DPYS: variants seen among roughly 807,000 people sequenced by gnomAD.
DPYS encodes dihydropyrimidinase.
A neutral mutation model predicts 50.3 loss-of-function variants in DPYS; 39 were observed. The observed-to-expected ratio is 0.78, with a 90% CI of 0.60 to 1.01. The LOEUF is 1.01. Among genes scored for constraint, DPYS ranks in the 50% least tolerant of loss-of-function variants. The pLI, the probability that DPYS is intolerant of heterozygous loss-of-function variation, is 0.00. For missense variants in DPYS, 659 were observed against 680.9 expected (o/e 0.97, Z 0.36); for synonymous variants, 245 against 250.7 (o/e 0.98, Z 0.22).
At chr8:104,388,290 A>T (rs1404966023) in intron 8 of DPYS, among the ~76,000 whole-genome samples, 1 of 152,196 alleles carries the variant, frequency 6.6e-6, no homozygotes, top group Non-Finnish European at 1.5e-5. Flanking sequence ...GAAACCATAC[A>T]TCACTCCATG....
intron 7 of DPYS, among the ~76,000 whole-genome samples, chr8:104,395,002 T>C (rs965735383): frequency 6.6e-6 from 1 of 151,770 alleles, no homozygotes; most frequent in African/African-American, 2.4e-5. Context: ...AATTTTAATT[T>C]TTAGTTTTTG....
chr8:104,383,930 T>C (rs1811133615), intron 8 of DPYS, among the ~76,000 whole-genome samples: 2 of 152,182 alleles, frequency 1.3e-5, no homozygotes, highest in African/African-American at 4.8e-5. Context: ...TGGCTGGCTG[T>C]CTACAAACTG....
chr8:104,382,499 C>G (rs901937274), intron 8 of DPYS, among the ~76,000 whole-genome samples: 2 of 151,714 alleles, frequency 1.3e-5, no homozygotes, highest in African/African-American at 4.8e-5. Context: ...TAATACCCCA[C>G]TCTCTGGCCA....
chr8:104,432,814 GT>G (rs1446881890), intron 4 of DPYS, among the ~76,000 whole-genome samples: 1 of 152,138 alleles, frequency 6.6e-6, no homozygotes, highest in Admixed American at 6.5e-5. Context: ...ATAAATTAAT[GT>G]TTATGAAAGT....
At chr8:104,380,101 C>T (rs1810982398) in intron 9 of DPYS, among the ~76,000 whole-genome samples, 1 of 151,938 alleles carries the variant, frequency 6.6e-6, no homozygotes, top group South Asian at 2.1e-4. Context: ...AGACTTTGGG[C>T]TAGATAGTCC....
At chr8:104,448,224 T>G (rs979174611) in intron 2 of DPYS, among the ~76,000 whole-genome samples, 1 of 151,730 alleles carries the variant, frequency 6.6e-6, no homozygotes, top group East Asian at 1.9e-4. Context: ...GGCATGATCT[T>G]GGTTCACTGC....
intron 4 of DPYS, among the ~76,000 whole-genome samples, chr8:104,442,184 A>G (rs1813377535): frequency 6.6e-6 from 1 of 152,242 alleles, no homozygotes; most frequent in African/African-American, 2.4e-5. Context: ...AAGAAATAAT[A>G]TTGAATTTTA....
intron 9 of DPYS, 93 bp downstream of exon 9, chr8:104,381,091 C>G: frequency 2.9e-6 from 3 of 1,044,502 alleles, no homozygotes; most frequent in Non-Finnish European, 4.5e-6. Context: ...CACTGTGAAG[C>G]CTCTGACCTT....
intron 8 of DPYS, among the ~76,000 whole-genome samples, chr8:104,385,593 T>C (rs201396980): frequency 6.6e-6 from 1 of 152,194 alleles, no homozygotes; most frequent in African/African-American, 2.4e-5. Context: ...TGAGAGGCTG[T>C]TGCTGTGGTT....
intron 7 of DPYS, among the ~76,000 whole-genome samples, chr8:104,415,366 T>A (rs1812329802): frequency 6.6e-6 from 1 of 152,224 alleles, no homozygotes. Context: ...AGTGATAGAA[T>A]GGGTTACTGT....
At chr8:104,444,814 G>A (rs1050574929) in intron 3 of DPYS, among the ~76,000 whole-genome samples, 3 of 151,906 alleles carry the variant, frequency 2.0e-5, no homozygotes, top group Non-Finnish European at 2.9e-5. Context: ...AATCAACAAA[G>A]TGAAGAAACA....
intron 7 of DPYS, among the ~76,000 whole-genome samples, chr8:104,399,143 T>C (rs1366020976): frequency 6.6e-6 from 1 of 151,584 alleles, no homozygotes; most frequent in African/African-American, 2.4e-5. Context: ...ATACAAAAGT[T>C]AGCAGGGCAT....
rs987415858 is a variant in DPYS at position 104,451,355 on chromosome 8, T to C, written c.314A>G (p.Gln105Arg). The change falls in exon 2 of 10, where the codon CAG (glutamine) becomes CGG (arginine). Residue 105 changes from glutamine to arginine, a missense_variant. Physicochemically the swap from Gln to Arg is conservative, Grantham distance 43. Transcript: ENST00000351513. ...GGCCTCAATGAGGGAGCCACCTTTCTGAGGAATGGCGAAATCAATAATCAT... is the reference window on the plus strand; with the variant it reads ...GGCCTCAATGAGGGAGCCACCTTTCCGAGGAATGGCGAAATCAATAATCAT... Reference protein sequence around the residue: ...TTMIIDFAIPQKGGSLIEAFE... With the variant: ...TTMIIDFAIPRKGGSLIEAFE... The C allele has an allele frequency of 9.3e-6, 15 of 1,614,072 alleles. No individual in the cohort carries two copies. The highest frequency in any genetic ancestry group is 1.3e-5 in the Non-Finnish European group (15 of 1,180,032).
intron 7 of DPYS, among the ~76,000 whole-genome samples, chr8:104,402,700 C>T (rs1811860737): frequency 6.6e-6 from 1 of 152,140 alleles, no homozygotes; most frequent in African/African-American, 2.4e-5. Context: ...CCCGAAAGTA[C>T]ACAATAGGCC....
rs544110019 is a variant in DPYS, at chr8:104,461,813, C to T, written c.264+4844G>A. On this transcript the variant is annotated intron_variant, in intron 1 of 9. Coordinates refer to ENST00000351513, the MANE Select transcript of DPYS (RefSeq NM_001385.3). ...GATCCGAGACTCAGAGATCATTATC[C>T]TCAGAGAGGATAATGAGGCCACAAA... Among the ~76,000 whole-genome samples the T allele has an allele frequency of 2.0e-3, 306 of 152,144 alleles. 1 individual carries two copies. The highest frequency in any genetic ancestry group is 3.0e-3 in the Non-Finnish European group (206 of 67,990).
At chr8:104,414,471 A>G (rs1001580602) in intron 7 of DPYS, among the ~76,000 whole-genome samples, 4 of 152,154 alleles carry the variant, frequency 2.6e-5, no homozygotes, top group Non-Finnish European at 4.4e-5. Flanking sequence ...TTGCTAGTCC[A>G]GAAACCATGC....
At chr8:104,413,483 A>T in intron 7 of DPYS, among the ~76,000 whole-genome samples, 1 of 152,112 alleles carries the variant, frequency 6.6e-6, no homozygotes, top group East Asian at 1.9e-4. Context: ...AGTGTTAGCT[A>T]TAGTACTCTT....
intron 7 of DPYS, among the ~76,000 whole-genome samples, chr8:104,405,425 A>C (rs997165653): frequency 6.6e-6 from 1 of 152,188 alleles, no homozygotes; most frequent in African/African-American, 2.4e-5. Flanking sequence ...TCACTCATTC[A>C]AACAATTACC....
chr8:104,393,297 A>G (rs1811461115), intron 7 of DPYS, among the ~76,000 whole-genome samples: 2 of 152,198 alleles, frequency 1.3e-5, no homozygotes, highest in South Asian at 4.1e-4. Flanking sequence ...TTATATGTTA[A>G]CAACACATTT....
Sources: gnomAD v4.1 joint callset for allele counts (sites outside exome capture counted in the v4.1 genomes callset) on GRCh38, gnomAD v4.1.1 for gene constraint, MANE v1.5 for transcripts, NCBI Gene and HGNC (gene_info 2026-07-23, HGNC 2026-07-21) for gene names.